LDB2: variants seen among roughly 807,000 people sequenced by gnomAD.
The protein encoded by LDB2 is LIM domain-binding protein 2.
Under a neutral mutation model 44.3 loss-of-function variants are expected in LDB2, and 12 were observed. The ratio of observed to expected loss-of-function variants is 0.27; its 90% CI spans 0.17 to 0.44. The LOEUF (loss-of-function observed/expected upper bound fraction) is 0.44, where lower values mean the gene tolerates loss of function less well. LDB2 is among the 20% of genes least tolerant of loss of function. The probability of loss-of-function intolerance (pLI) is 1.00; values close to 1 mark genes in which losing one functional copy is unlikely to be tolerated. For synonymous variants in LDB2, 164 were observed against 174.8 expected (o/e 0.94, Z 0.49); for missense variants, 344 against 473.5 (o/e 0.73, Z 2.54).
intron 1 of LDB2, among the ~76,000 whole-genome samples, chr4:16,858,468 T>C (rs894247345): frequency 2.6e-5 from 4 of 152,208 alleles, no homozygotes; most frequent in Admixed American, 6.5e-5. Flanking sequence ...GAGGGACCGT[T>C]CAGGTGAAAA....
Position 16,502,404 on chromosome 4 carries a change from G to C in LDB2, c.*239C>G, listed in dbSNP as rs926579517. The C allele has an allele frequency of 1.9e-6, 1 of 536,212 alleles. No individual in the cohort carries two copies. The allele number at this position is 536,212 out of a possible 1,614,324, so 33.2% of individuals were successfully genotyped here. On this transcript the variant is annotated 3_prime_UTR_variant, in exon 8 of 8. Transcript: ENST00000304523. ...TTTTCTCTCATTTTAATTACAATCAGTGCCAGTATCTGTATTACCTGTGAA... is the reference window on the plus strand; with the variant it reads ...TTTTCTCTCATTTTAATTACAATCACTGCCAGTATCTGTATTACCTGTGAA...
intron 2 of LDB2, among the ~76,000 whole-genome samples, chr4:16,628,470 C>T (rs1490718210): frequency 2.0e-5 from 3 of 152,168 alleles, no homozygotes; most frequent in Admixed American, 2.0e-4. Flanking sequence ...TCAGATCCAT[C>T]TTCCTATGAT....
intron 1 of LDB2, among the ~76,000 whole-genome samples, chr4:16,863,730 G>A (rs1363516357): frequency 1.5e-5 from 2 of 137,482 alleles, no homozygotes; most frequent in Non-Finnish European, 3.0e-5. Flanking sequence ...GCGCGATCTC[G>A]GCTCACTGCA....
chr4:16,725,599 C>T (rs149527540), intron 2 of LDB2, among the ~76,000 whole-genome samples: 121 of 152,158 alleles, frequency 8.0e-4, no homozygotes, highest in Non-Finnish European at 1.5e-3. Flanking sequence ...TACTTAGAAC[C>T]GACCAGAGGA....
At chr4:16,689,608 T>A (rs1386787828) in intron 2 of LDB2, among the ~76,000 whole-genome samples, 2 of 152,342 alleles carry the variant, frequency 1.3e-5, no homozygotes, top group Admixed American at 1.3e-4. Flanking sequence ...GTCTGACTCC[T>A]GTTAAATTCT....
At chr4:16,832,262 A>G (rs1271660221) in intron 1 of LDB2, among the ~76,000 whole-genome samples, 1 of 152,172 alleles carries the variant, frequency 6.6e-6, no homozygotes, top group African/African-American at 2.4e-5. Context: ...TCATCATTTT[A>G]CAGATAACAA....
chr4:16,598,584 G>A (rs994342154), intron 2 of LDB2, among the ~76,000 whole-genome samples: 2 of 152,132 alleles, frequency 1.3e-5, no homozygotes, highest in African/African-American at 2.4e-5. Flanking sequence ...AAGTCAACAT[G>A]TGTTGAGGTG....
intron 5 of LDB2, among the ~76,000 whole-genome samples, chr4:16,571,201 A>G (rs1746413634): frequency 6.6e-6 from 1 of 152,158 alleles, no homozygotes; most frequent in African/African-American, 2.4e-5. Context: ...TCAGCAAATG[A>G]ATGGTTTTAA....
intron 2 of LDB2, among the ~76,000 whole-genome samples, chr4:16,619,577 T>A (rs1053217715): frequency 1.3e-5 from 2 of 152,180 alleles, no homozygotes; most frequent in African/African-American, 4.8e-5. Context: ...ATGATGAATT[T>A]GTTGAAGATG....
chr4:16,673,108 G>C (rs1204590092), intron 2 of LDB2, among the ~76,000 whole-genome samples: 2 of 151,922 alleles, frequency 1.3e-5, no homozygotes, highest in Admixed American at 6.6e-5. Context: ...CAATGGGATT[G>C]TAATTCTGAA....
At chr4:16,739,249 A>G (rs573701865) in intron 2 of LDB2, among the ~76,000 whole-genome samples, 1 of 152,112 alleles carries the variant, frequency 6.6e-6, no homozygotes, top group East Asian at 1.9e-4. Flanking sequence ...ACAGCAAGTA[A>G]AAAGCAAAAA....
intron 1 of LDB2, among the ~76,000 whole-genome samples, chr4:16,871,814 G>T (rs1259093336): frequency 6.6e-6 from 1 of 151,976 alleles, no homozygotes; most frequent in Non-Finnish European, 1.5e-5. Context: ...TAGAGAAGGG[G>T]TTTTGCCATG....
chr4:16,647,274 G>A (rs1737063613), intron 2 of LDB2, among the ~76,000 whole-genome samples: 1 of 152,106 alleles, frequency 6.6e-6, no homozygotes, highest in African/African-American at 2.4e-5. Context: ...TAAAGCTTGG[G>A]GAAGAAAATA....
chr4:16,683,625 A>G (rs1748482847), intron 2 of LDB2, among the ~76,000 whole-genome samples: 1 of 152,268 alleles, frequency 6.6e-6, no homozygotes. Context: ...GTAAACTTCT[A>G]TCAGTGAAGA....
chr4:16,614,573 G>GAAA (rs1282791131), intron 2 of LDB2, among the ~76,000 whole-genome samples: 1 of 26,766 alleles, frequency 3.7e-5, no homozygotes, highest in Non-Finnish European at 8.3e-5. Context: ...ACATTTACAA[G>GAAA]AAAAAACAAA....
intron 1 of LDB2, among the ~76,000 whole-genome samples, chr4:16,776,222 C>A (rs2109397817): frequency 6.6e-6 from 1 of 152,262 alleles, no homozygotes; most frequent in African/African-American, 2.4e-5. Context: ...TGTGCTTGGA[C>A]CTTGGTTTCC....
At chr4:16,740,447 C>T (rs1561059983) in intron 2 of LDB2, among the ~76,000 whole-genome samples, 1 of 152,224 alleles carries the variant, frequency 6.6e-6, no homozygotes, top group African/African-American at 2.4e-5. Flanking sequence ...GTTCTTTGCC[C>T]ATGGATCTAT....
At chr4:16,653,517 A>G (rs530492043) in intron 2 of LDB2, among the ~76,000 whole-genome samples, 2 of 152,348 alleles carry the variant, frequency 1.3e-5, no homozygotes, top group East Asian at 1.9e-4. Context: ...GTCCTCAGGA[A>G]GGCCTCCTCT....
intron 1 of LDB2, among the ~76,000 whole-genome samples, chr4:16,814,551 A>C (rs1780558723): frequency 6.6e-6 from 1 of 152,182 alleles, no homozygotes; most frequent in Non-Finnish European, 1.5e-5. Flanking sequence ...GTAATCCTCC[A>C]ATAATTTATG....
Sources: gnomAD v4.1 joint callset for allele counts (sites outside exome capture counted in the v4.1 genomes callset) on GRCh38, gnomAD v4.1.1 for gene constraint, MANE v1.5 for transcripts, NCBI Gene and HGNC (gene_info 2026-07-23, HGNC 2026-07-21) for gene names.